The following WDR48 variants were observed in gnomAD, a reference collection of about 807,000 sequenced individuals.
The protein encoded by WDR48 is WD repeat domain 48.
In WDR48, 22 loss-of-function variants were observed where a neutral mutation model predicts 94.0. That is an observed-to-expected ratio of 0.23 (90% CI 0.17 to 0.33). The LOEUF is 0.33. WDR48 is among the 10% of genes least tolerant of loss of function. WDR48 has a pLI of 1.00. For synonymous variants in WDR48, 278 were observed against 280.5 expected, an observed-to-expected ratio of 0.99 and a Z score of 0.09; for missense variants, 541 against 813.8, an observed-to-expected ratio of 0.66 and a Z score of 4.08.
chr3:39,060,459 T>G (rs1575393179), intron 1 of WDR48, among the ~76,000 whole-genome samples: 1 of 122,160 alleles, frequency 8.2e-6, no homozygotes, highest in Non-Finnish European at 1.9e-5. Flanking sequence ...CATCACATTT[T>G]ATTTGTTTTG....
chr3:39,069,530 TG>T, intron 6 of WDR48, 112 bp from the exon 7 acceptor site: 1 of 878,840 alleles, frequency 1.1e-6, no homozygotes, highest in South Asian at 1.9e-5. Context: ...TTGGCAGAAG[TG>T]GTATTGCCTT....
intron 7 of WDR48, among the ~76,000 whole-genome samples, chr3:39,072,615 T>C (rs987274267): frequency 2.0e-5 from 3 of 152,222 alleles, no homozygotes; most frequent in African/African-American, 7.2e-5. Flanking sequence ...GGCTACAGAC[T>C]ATTCCACTAA....
chr3:39,088,196 G>A lies in WDR48; in HGVS notation c.1543G>A (p.Val515Met), dbSNP rs770608218. 3.7e-6 allele frequency: 6 copies of A among 1,614,172 alleles called. No homozygotes were observed. The highest frequency in any genetic ancestry group is 5.1e-6 in the Non-Finnish European group (6 of 1,180,034). Reference sequence around the variant, plus strand: ...TTTTCAAGTGCCCCCACATACACCCGTGATCTTTGGTGAAGCTGGAGGTCG... The same window carrying A: ...TTTTCAAGTGCCCCCACATACACCCATGATCTTTGGTGAAGCTGGAGGTCG... ...GYFQVPPHTP[V>M]IFGEAGGRTL... The change falls in exon 15 of 19, where the codon GTG becomes ATG. Residue 515 changes from valine to methionine, a missense_variant. Val to Met is a conservative substitution (Grantham distance 21). This residue lies in a region of WDR48 where 238 missense variants were observed against 285.3 expected (regional missense o/e 0.83). Transcript: ENST00000302313.
In WDR48 at chr3:39,077,241, T is replaced by C. The variant is rs1249894712; in HGVS notation, c.972+28T>C. On this transcript the variant is annotated intron_variant, in intron 9 of 18. Transcript: ENST00000302313. ...AAGTGAGCTATTAACCTGGCAAAGG[T>C]TTATAAACATGTATTTTGTTATCAC... is the stretch of plus-strand genomic sequence containing the variant. 3 of 1,612,592 alleles carry C rather than the reference T, an allele frequency of 1.9e-6. No individual in the cohort carries two copies. In the African/African-American group the frequency reaches 4.0e-5, roughly 22 times the overall value.
chr3:39,064,046 G>T (rs1262086426), intron 2 of WDR48, among the ~76,000 whole-genome samples: 2 of 152,150 alleles, frequency 1.3e-5, no homozygotes, highest in African/African-American at 4.8e-5. Flanking sequence ...AGGGAACAGG[G>T]TTTAAATATG....
intron 14 of WDR48, among the ~76,000 whole-genome samples, chr3:39,086,006 T>C (rs1346100871): frequency 1.3e-5 from 2 of 152,238 alleles, no homozygotes. Flanking sequence ...ATAGTCACTC[T>C]TCATGTTGGG....
chr3:39,065,005 A>G (rs559229272), intron 2 of WDR48, among the ~76,000 whole-genome samples: 1 of 152,300 alleles, frequency 6.6e-6, no homozygotes, highest in African/African-American at 2.4e-5. Context: ...TCTTGCCCCA[A>G]ACATCTTTTT....
At chr3:39,079,901 G>GATGTAATT in intron 11 of WDR48, 93 bp downstream of exon 11, 2 of 644,158 alleles carry the variant, frequency 3.1e-6, no homozygotes, top group Non-Finnish European at 4.9e-6. Context: ...TATAAATTAA[G>GATGTAATT]ATGTAATTGC....
intron 8 of WDR48, among the ~76,000 whole-genome samples, chr3:39,075,190 C>CTTT (rs11353487): frequency 5.4e-5 from 6 of 110,468 alleles, no homozygotes; most frequent in East Asian, 2.7e-4. Flanking sequence ...TTGTGTTTTG[C>CTTT]TTTTTTTTTT....
rs759980576 is a variant in WDR48 at position 39,084,177 on chromosome 3, G to A, written c.1196G>A (p.Gly399Asp). 14 of 1,611,406 alleles carry A rather than the reference G, an allele frequency of 8.7e-6. No individual in the cohort carries two copies. Among genetic ancestry groups the A allele is most frequent in the Non-Finnish European group, 1.2e-5 (14 of 1,178,282 alleles). The change falls in exon 12 of 19, where the codon GGC becomes GAC. Residue 399 changes from glycine to aspartate, a missense_variant. By Grantham distance (94) the Gly-to-Asp change is moderately conservative. Transcript: ENST00000302313. ...TAGGCATGTAAAGTTGAAGATCTGG[G>A]CAAAGTGGATTTTGAAGATGAAATT... ...VLKACKVEDL[G>D]KVDFEDEIKK...
At chr3:39,080,366 CA>C (rs1183592808) in intron 11 of WDR48, among the ~76,000 whole-genome samples, 1 of 152,216 alleles carries the variant, frequency 6.6e-6, no homozygotes, top group Admixed American at 6.5e-5. Context: ...GCATTAGTTA[CA>C]ACTCTGGGTC....
At chr3:39,072,385 A>G (rs572017555) in intron 7 of WDR48, among the ~76,000 whole-genome samples, 3 of 152,190 alleles carry the variant, frequency 2.0e-5, no homozygotes, top group Non-Finnish European at 4.4e-5. Flanking sequence ...TTCTTTTGGT[A>G]ATACAAGTCT....
chr3:39,064,736 T>A (rs1184265059), intron 2 of WDR48, among the ~76,000 whole-genome samples: 1 of 152,192 alleles, frequency 6.6e-6, no homozygotes, highest in African/African-American at 2.4e-5. Flanking sequence ...AAGTCTGATA[T>A]TCAGTTCAGA....
rs777913143 is a variant in WDR48 at position 39,093,970 on chromosome 3, T to C, written c.1842T>C (p.Thr614=). The change falls in exon 18 of 19, where the codon ACT becomes ACC. Residue 614 remains threonine, a synonymous_variant. Coordinates refer to ENST00000302313, the MANE Select transcript of WDR48 (RefSeq NM_020839.4). ...IINLDNESQT[T]SSSNNEKPGE... The stretch of plus-strand genomic sequence containing the variant: ...ACTTGGATAATGAGTCTCAAACCAC[T>C]AGCTCTTCTAATAATGAAAAACCAG... The C allele has an allele frequency of 5.6e-6, 9 of 1,613,986 alleles. No individual in the cohort carries two copies. Among genetic ancestry groups the C allele is most frequent in the African/African-American group, 1.3e-5 (1 of 74,918 alleles).
intron 7 of WDR48, among the ~76,000 whole-genome samples, chr3:39,072,643 C>T (rs1460651859): frequency 1.3e-5 from 2 of 152,184 alleles, no homozygotes; most frequent in Non-Finnish European, 2.9e-5. Context: ...TTAGCAGAAT[C>T]ATTGAAGGAC....
intron 10 of WDR48, among the ~76,000 whole-genome samples, chr3:39,078,898 C>T (rs190723277): frequency 0.011 from 1,699 of 151,348 alleles, 30 homozygotes; most frequent in African/African-American, 0.039. Context: ...GGCGTAGTGG[C>T]GGGCACCTGT....
intron 3 of WDR48, among the ~76,000 whole-genome samples, chr3:39,066,120 C>T (rs1297400196): frequency 1.3e-5 from 2 of 152,202 alleles, no homozygotes; most frequent in African/African-American, 4.8e-5. Flanking sequence ...AACTGCTCTT[C>T]TGTCTTCTGA....
intron 1 of WDR48, among the ~76,000 whole-genome samples, chr3:39,055,390 CAG>C (rs1483280158): frequency 6.6e-6 from 1 of 152,188 alleles, no homozygotes; most frequent in Non-Finnish European, 1.5e-5. Flanking sequence ...GAGGCTGAGA[CAG>C]GGGAATCGCT....
At chr3:39,092,519 G>C (rs72859564) in intron 17 of WDR48, among the ~76,000 whole-genome samples, 6,052 of 152,178 alleles carry the variant, frequency 0.04, 434 homozygotes, top group African/African-American at 0.14. Flanking sequence ...GATATTAGGA[G>C]GTAAATTGGA....
Sources: allele counts gnomAD v4.1 joint callset (sites outside exome capture counted in the v4.1 genomes callset), GRCh38; gene constraint gnomAD v4.1.1; regional missense constraint gnomAD v4.1.1; transcripts MANE v1.5; gene names NCBI Gene and HGNC (gene_info 2026-07-23, HGNC 2026-07-21).